PTPRG: variants seen among roughly 807,000 people sequenced by gnomAD.
The protein encoded by PTPRG is protein tyrosine phosphatase receptor type G, also known as receptor-type tyrosine-protein phosphatase gamma.
A neutral mutation model predicts 165.3 loss-of-function variants in PTPRG; 102 were observed. The observed-to-expected ratio is 0.62, with a 90% confidence interval of 0.53 to 0.73. PTPRG has a LOEUF of 0.73. PTPRG is among the 30% of genes least tolerant of loss of function. PTPRG has a pLI of 0.00. For missense variants in PTPRG, 1,866 were observed against 1,861.4 expected (o/e 1.00, Z -0.05); for synonymous variants, 675 against 669.5 (o/e 1.01, Z -0.13).
intron 6 of PTPRG, among the ~76,000 whole-genome samples, chr3:62,134,057 C>A (rs966543825): frequency 6.6e-6 from 1 of 152,256 alleles, no homozygotes; most frequent in Non-Finnish European, 1.5e-5. Context: ...CCCCATTCTT[C>A]AGGGCTCTTA....
chr3:61,667,221 C>T (rs986040120), intron 1 of PTPRG, among the ~76,000 whole-genome samples: 1 of 152,144 alleles, frequency 6.6e-6, no homozygotes, highest in Non-Finnish European at 1.5e-5. Flanking sequence ...AATGCCTCCT[C>T]AACAATTTAA....
chr3:62,059,575 C>T (rs578179114), intron 4 of PTPRG, among the ~76,000 whole-genome samples: 2 of 152,206 alleles, frequency 1.3e-5, no homozygotes, highest in Non-Finnish European at 2.9e-5. Context: ...CAGTGGCTCA[C>T]GCCTATAATC....
At chr3:61,722,577 G>A (rs920064611) in intron 1 of PTPRG, among the ~76,000 whole-genome samples, 1 of 152,128 alleles carries the variant, frequency 6.6e-6, no homozygotes, top group Non-Finnish European at 1.5e-5. Context: ...CTCTGTTTAT[G>A]CATAAGTCTT....
intron 5 of PTPRG, among the ~76,000 whole-genome samples, chr3:62,098,672 A>G (rs12496333): frequency 0.74 from 112,444 of 152,124 alleles, 41,952 homozygotes; most frequent in Middle Eastern, 0.83. Flanking sequence ...ATTCTTTATT[A>G]CCTTCCAGGA....
At chr3:61,644,853 A>G (rs1702159304) in intron 1 of PTPRG, among the ~76,000 whole-genome samples, 1 of 152,256 alleles carries the variant, frequency 6.6e-6, no homozygotes, top group African/African-American at 2.4e-5. Context: ...TATTTGGAAC[A>G]GGCAATACAC....
At chr3:61,730,435 G>T (rs1442551086) in intron 1 of PTPRG, among the ~76,000 whole-genome samples, 1 of 152,180 alleles carries the variant, frequency 6.6e-6, no homozygotes, top group Non-Finnish European at 1.5e-5. Context: ...ACTTATAAAA[G>T]ACTTTCATTT....
chr3:62,152,632 GA>G (rs1267887584), intron 6 of PTPRG, among the ~76,000 whole-genome samples: 1 of 152,238 alleles, frequency 6.6e-6, no homozygotes, highest in East Asian at 1.9e-4. Context: ...GAAATTTTCA[GA>G]AAGATCACTG....
At chr3:61,890,423 G>T (rs6805369) in intron 2 of PTPRG, among the ~76,000 whole-genome samples, 15,926 of 117,934 alleles carry the variant, frequency 0.14, 2,179 homozygotes, top group African/African-American at 0.37. Flanking sequence ...TTTTTTTTTT[G>T]TTTTTTTTTT....
intron 2 of PTPRG, among the ~76,000 whole-genome samples, chr3:61,797,581 A>ACCCCCCCCCCCCC (rs10541580): frequency 1.6e-5 from 2 of 127,376 alleles, no homozygotes; most frequent in African/African-American, 3.0e-5. Context: ...TTATCTCCAC[A>ACCCCCCCCCCCCC]CCCCCCCCCA....
At position 62,237,456 on chromosome 3, in the gene PTPRG, C is replaced by T. The variant is rs1701059847; in HGVS notation, c.2375+6145C>T. 6.6e-6 allele frequency among the ~76,000 whole-genome samples: 1 copy of T among 152,132 alleles called. No individual in the cohort carries two copies. The highest frequency in any genetic ancestry group is 2.1e-4 in the South Asian group (1 of 4,826). On this transcript the variant is annotated intron_variant, in intron 14 of 29. Coordinates refer to ENST00000474889, the MANE Select transcript of PTPRG (RefSeq NM_002841.4). This position sits in a 1 kb window ranked among gnomAD's most constrained non-coding sequence, Gnocchi z 4.5. ...TAAACATACTGGAACCTGTCATGTG[C>T]TGGCAGTGTATATTTTTCAGCAGGG...
intron 28 of PTPRG, among the ~76,000 whole-genome samples, chr3:62,286,030 G>A (rs780931547): frequency 1.2e-4 from 18 of 152,192 alleles, no homozygotes; most frequent in Non-Finnish European, 1.5e-4. Flanking sequence ...AGGGCTAATC[G>A]TATTTTAACA....
Position 62,228,614 on chromosome 3 carries a change from C to T in PTPRG, c.2289-2611C>T, listed in dbSNP as rs1363277832. ...ATGACCCAGAAGCACTGGATCATGG[C>T]ACATTCATTATTTCTTAGGGCAAAC... is the stretch of plus-strand genomic sequence containing the variant. On this transcript the variant is annotated intron_variant, in intron 13 of 29. Coordinates refer to ENST00000474889, the MANE Select transcript of PTPRG (RefSeq NM_002841.4). The surrounding 1 kb of genome is among the most constrained non-coding windows in gnomAD (Gnocchi z 4.1). 1.2e-4 allele frequency among the ~76,000 whole-genome samples: 18 copies of T among 152,214 alleles called. No individual in the cohort carries two copies. In the East Asian group the frequency reaches 3.3e-3, roughly 28 times the overall value.
intron 5 of PTPRG, among the ~76,000 whole-genome samples, chr3:62,114,031 G>T (rs1437862430): frequency 6.6e-6 from 1 of 152,184 alleles, no homozygotes; most frequent in East Asian, 1.9e-4. Context: ...GGGTGTGGTG[G>T]CTCGCACCCG....
At chr3:61,600,598 G>A (rs56270155) in intron 1 of PTPRG, among the ~76,000 whole-genome samples, 11,198 of 152,134 alleles carry the variant, frequency 0.074, 539 homozygotes, top group Middle Eastern at 0.12. Context: ...GGAGTGCAGC[G>A]GCACAATGAC....
chr3:61,697,790 C>T (rs73842319), intron 1 of PTPRG, among the ~76,000 whole-genome samples: 22 of 152,160 alleles, frequency 1.4e-4, no homozygotes, highest in Admixed American at 9.8e-4. Context: ...AGGGTAGTTA[C>T]GCCTCAACCA....
intron 1 of PTPRG, among the ~76,000 whole-genome samples, chr3:61,639,599 G>A (rs369862920): frequency 2.0e-5 from 3 of 151,844 alleles, no homozygotes; most frequent in Admixed American, 6.6e-5. Context: ...GCAGTATTTC[G>A]TACTTCTTGT....
chr3:61,758,803 C>A (rs923576827), intron 2 of PTPRG, among the ~76,000 whole-genome samples: 1 of 152,014 alleles, frequency 6.6e-6, no homozygotes, highest in African/African-American at 2.4e-5. Context: ...GTGGGGTGGT[C>A]TTGGTAGCAG....
At chr3:61,659,275 T>C in intron 1 of PTPRG, 1 of 981,492 alleles carries the variant, frequency 1.0e-6, no homozygotes, top group Non-Finnish European at 1.2e-6. Flanking sequence ...ACAATGTATG[T>C]TTTCTTTCAT....
intron 4 of PTPRG, among the ~76,000 whole-genome samples, chr3:62,071,223 A>AT (rs946025897): frequency 3.8e-4 from 57 of 151,866 alleles, no homozygotes; most frequent in Middle Eastern, 3.4e-3. Context: ...CTCCGTCATG[A>AT]TTTTTTTTCT....
Sources: allele counts gnomAD v4.1 joint callset (sites outside exome capture counted in the v4.1 genomes callset), GRCh38; gene constraint gnomAD v4.1.1; non-coding constraint Gnocchi (gnomAD v3.1); transcripts MANE v1.5; gene names NCBI Gene and HGNC (gene_info 2026-07-23, HGNC 2026-07-21).